The following SPEF2 variants were observed in gnomAD, a reference collection of about 807,000 sequenced individuals.
The protein encoded by SPEF2 is sperm flagellar and cilia associated 2, also known as sperm flagella and cilia-associated protein 2.
Under a neutral mutation model 224.6 loss-of-function variants are expected in SPEF2, and 187 were observed. That is an observed-to-expected ratio of 0.83 (90% CI 0.74 to 0.94). The LOEUF is 0.94. Among genes scored for constraint, SPEF2 ranks in the 40% least tolerant of loss-of-function variants. The pLI is 0.00. For synonymous variants in SPEF2, 715 were observed against 707.3 expected (o/e 1.01, Z -0.17); for missense variants, 2,170 against 2,135.6 (o/e 1.02, Z -0.32).
At chr5:35,619,409 G>A (rs1397332608) in intron 1 of SPEF2, among the ~76,000 whole-genome samples, 3 of 152,180 alleles carry the variant, frequency 2.0e-5, no homozygotes, top group Non-Finnish European at 4.4e-5. Flanking sequence ...CGGGCCGGGT[G>A]CGGTGGCTCA....
chr5:35,771,631 G>A lies in SPEF2; in HGVS notation c.3824G>A (p.Arg1275Lys), dbSNP rs1382480108. ...CAGGTGGCTGCTGAAATTCATCAGA[G>A]GCTTATGGAAGAAGAAAAAGAAAAC... Reference protein sequence around the residue: ...SHMVAAEIHQRLMEEEKENQP... With the variant: ...SHMVAAEIHQKLMEEEKENQP... Residue 1275 changes from arginine to lysine, a missense_variant, in exon 27 of 37, where the codon AGG becomes AAG. Transcript: ENST00000356031. 17 of 1,608,920 alleles carry A rather than the reference G, an allele frequency of 1.1e-5. No individual in the cohort carries two copies. The highest frequency in any genetic ancestry group is 5.1e-5 in the Admixed American group (3 of 58,752).
At chr5:35,668,900 A>G (rs1305756729) in intron 9 of SPEF2, among the ~76,000 whole-genome samples, 1 of 152,084 alleles carries the variant, frequency 6.6e-6, no homozygotes, top group Non-Finnish European at 1.5e-5. Context: ...TTAAAAGGTT[A>G]TTAGGAGGAA....
At chr5:35,776,146 G>A (rs558289647) in intron 28 of SPEF2, 111 bp from the exon 29 acceptor site, 10 of 1,037,482 alleles carry the variant, frequency 9.6e-6, no homozygotes, top group Non-Finnish European at 1.4e-5. Flanking sequence ...TATTAAACGT[G>A]CACCTAAAGC....
At chr5:35,657,444 ATGT>A (rs1190702667) in intron 7 of SPEF2, among the ~76,000 whole-genome samples, 6 of 152,014 alleles carry the variant, frequency 3.9e-5, no homozygotes, top group African/African-American at 7.2e-5. Flanking sequence ...GGAGGGGCTG[ATGT>A]TGTTCAAGAT....
At chr5:35,748,657 G>T (rs895737488) in intron 23 of SPEF2, among the ~76,000 whole-genome samples, 3 of 152,080 alleles carry the variant, frequency 2.0e-5, no homozygotes, top group African/African-American at 7.2e-5. Flanking sequence ...CCAATAACAA[G>T]CAGTGAGATT....
rs779861894 is a variant in SPEF2 at position 35,789,291 on chromosome 5, TCAA to T, written c.4448-3048_4448-3046del. On this transcript the variant is annotated intron_variant, in intron 30 of 36. Coordinates refer to ENST00000356031, the MANE Select transcript of SPEF2 (RefSeq NM_024867.4). ...AATGTCCTTAGCATTCTGTCCTGTG[TCAA>T]TAAGAATAGAAATTCCTCAATTGCT... 44 of 703,258 alleles carry T rather than the reference TCAA, an allele frequency of 6.3e-5. No individual in the cohort carries two copies. The South Asian group carries it at 6.5e-4, about 10-fold the overall frequency. The allele number at this position is 703,258 out of a possible 1,614,324, so 43.6% of individuals were successfully genotyped here.
intron 20 of SPEF2, among the ~76,000 whole-genome samples, chr5:35,717,696 C>T (rs893831770): frequency 9.9e-5 from 15 of 152,088 alleles, no homozygotes; most frequent in African/African-American, 3.6e-4. Flanking sequence ...TCCCAGTTTC[C>T]ACACAGGAAA....
At chr5:35,618,467 C>T (rs1351194537) in intron 1 of SPEF2, among the ~76,000 whole-genome samples, 1 of 152,176 alleles carries the variant, frequency 6.6e-6, no homozygotes, top group Non-Finnish European at 1.5e-5. Flanking sequence ...TCACCAGAAG[C>T]AGAAGCATGG....
chr5:35,680,624 G>GA (rs886653615), intron 10 of SPEF2, among the ~76,000 whole-genome samples: 4 of 152,114 alleles, frequency 2.6e-5, no homozygotes, highest in African/African-American at 9.7e-5. Context: ...GTAGGGATGA[G>GA]AAAAAAACCA....
intron 30 of SPEF2, among the ~76,000 whole-genome samples, chr5:35,785,877 A>AATCTGC (rs1471494958): frequency 6.6e-6 from 1 of 151,796 alleles, no homozygotes; most frequent in Admixed American, 6.6e-5. Flanking sequence ...GCAATTTCAA[A>AATCTGC]ATCTGCGCAG....
chr5:35,806,094 A>G (rs1289496887), intron 34 of SPEF2, among the ~76,000 whole-genome samples: 1 of 152,174 alleles, frequency 6.6e-6, no homozygotes, highest in Non-Finnish European at 1.5e-5. Flanking sequence ...AGAAGAATAT[A>G]TACATTCAGG....
intron 30 of SPEF2, among the ~76,000 whole-genome samples, chr5:35,780,882 T>G (rs1337586526): frequency 1.3e-5 from 2 of 152,184 alleles, no homozygotes; most frequent in Admixed American, 1.3e-4. Flanking sequence ...ACAATATATC[T>G]TTCAGCAGGG....
At chr5:35,677,477 G>A (rs1050306857) in intron 10 of SPEF2, among the ~76,000 whole-genome samples, 1 of 152,170 alleles carries the variant, frequency 6.6e-6, no homozygotes, top group Non-Finnish European at 1.5e-5. Context: ...GGGCACTTGG[G>A]GAGCAATGCA....
At chr5:35,716,369 A>G (rs1742580206) in intron 20 of SPEF2, among the ~76,000 whole-genome samples, 2 of 152,202 alleles carry the variant, frequency 1.3e-5, no homozygotes, top group South Asian at 2.1e-4. Flanking sequence ...TTTTCTCATC[A>G]GGATCAAAAA....
At chr5:35,646,008 C>T (rs575505371) in intron 4 of SPEF2, among the ~76,000 whole-genome samples, 1 of 151,920 alleles carries the variant, frequency 6.6e-6, no homozygotes, top group Non-Finnish European at 1.5e-5. Context: ...CACATATTAC[C>T]TCTTAAATCA....
intron 10 of SPEF2, among the ~76,000 whole-genome samples, chr5:35,685,261 T>C (rs1466793732): frequency 6.6e-6 from 1 of 152,182 alleles, no homozygotes; most frequent in Admixed American, 6.5e-5. Context: ...AAAAACTTAC[T>C]ATGAGTACTT....
At chr5:35,768,880 C>T (rs543621154) in intron 26 of SPEF2, among the ~76,000 whole-genome samples, 3 of 152,066 alleles carry the variant, frequency 2.0e-5, no homozygotes, top group Non-Finnish European at 4.4e-5. Flanking sequence ...TTAACACAGG[C>T]TTTTTTCTAC....
At chr5:35,683,556 T>C (rs775026862) in intron 10 of SPEF2, among the ~76,000 whole-genome samples, 1 of 152,138 alleles carries the variant, frequency 6.6e-6, no homozygotes, top group Non-Finnish European at 1.5e-5. Context: ...ACTCGAGAGA[T>C]GGAGGCTACA....
intron 20 of SPEF2, 55 bp downstream of exon 20, chr5:35,712,941 C>G: frequency 6.7e-6 from 10 of 1,492,614 alleles, no homozygotes; most frequent in Non-Finnish European, 9.2e-6. Flanking sequence ...TTATAACTAT[C>G]TCAGTGAAAA....
Sources: gnomAD v4.1 joint callset for allele counts (sites outside exome capture counted in the v4.1 genomes callset) on GRCh38, gnomAD v4.1.1 for gene constraint, MANE v1.5 for transcripts, NCBI Gene and HGNC (gene_info 2026-07-23, HGNC 2026-07-21) for gene names.